PAG1: variants seen among roughly 807,000 people sequenced by gnomAD.
The protein encoded by PAG1 is phosphoprotein membrane anchor with glycosphingolipid microdomains 1.
In PAG1, 23 loss-of-function variants were observed where a neutral mutation model predicts 31.7. That is an observed-to-expected ratio of 0.73 (90% CI 0.52 to 1.03). PAG1 has a LOEUF of 1.03. Ranked by LOEUF, PAG1 falls within the 50% of genes least tolerant of loss-of-function variation. The pLI is 0.00. For synonymous variants in PAG1, 214 were observed against 210.3 expected, an observed-to-expected ratio of 1.02 and a Z score of -0.15; for missense variants, 473 against 540.7, an observed-to-expected ratio of 0.87 and a Z score of 1.24.
At chr8:81,016,696 T>C (rs1222190458) in intron 3 of PAG1, among the ~76,000 whole-genome samples, 1 of 152,186 alleles carries the variant, frequency 6.6e-6, no homozygotes, top group Non-Finnish European at 1.5e-5. Context: ...GTTTCCTTTC[T>C]CCTTGCCCTT....
intron 3 of PAG1, among the ~76,000 whole-genome samples, chr8:81,029,066 T>C (rs535494047): frequency 1.4e-4 from 22 of 152,340 alleles, no homozygotes; most frequent in African/African-American, 5.1e-4. Context: ...TGCATTTCTG[T>C]GTGCGGGTAC....
chr8:81,071,312 G>A (rs1027588593), intron 1 of PAG1, among the ~76,000 whole-genome samples: 6 of 152,138 alleles, frequency 3.9e-5, no homozygotes, highest in Non-Finnish European at 8.8e-5. Flanking sequence ...GGTGAGAGAA[G>A]GTTCCATGCC....
At chr8:81,054,900 G>GA (rs1463543744) in intron 2 of PAG1, among the ~76,000 whole-genome samples, 2 of 151,962 alleles carry the variant, frequency 1.3e-5, no homozygotes, top group Non-Finnish European at 2.9e-5. Context: ...ATGAAGACTG[G>GA]ATGGGAGAAG....
intron 3 of PAG1, among the ~76,000 whole-genome samples, chr8:80,997,801 C>T (rs6980737): frequency 0.026 from 3,908 of 152,268 alleles, 97 homozygotes; most frequent in Non-Finnish European, 0.033. Context: ...TTATTGGCTG[C>T]ATTGATGTAA....
rs1807129934 is a variant in PAG1 at position 80,973,991 on chromosome 8, T to C, written c.*2553A>G. 6.6e-6 allele frequency: 1 copy of C among 152,190 alleles called. No individual in the cohort carries two copies. The highest frequency in any genetic ancestry group is 1.5e-5 in the Non-Finnish European group (1 of 68,036). The allele number at this position is 152,190 out of a possible 1,614,324, so 9.4% of individuals were successfully genotyped here. On this transcript the variant is annotated 3_prime_UTR_variant, in exon 9 of 9. Coordinates refer to ENST00000220597, the MANE Select transcript of PAG1 (RefSeq NM_018440.4). Reference sequence around the variant, plus strand: ...CTTTAAAAGTACACTGAAAATACTTTATATCACAGCTTATTCTAACCACTG... The same window carrying C: ...CTTTAAAAGTACACTGAAAATACTTCATATCACAGCTTATTCTAACCACTG...
In PAG1 at chr8:81,112,047, TCGCCGCCGCG is replaced by T. The variant is rs1474844366; in HGVS notation, c.-700_-691del. ...AGCGGGAGGGTACCGCAGCCAGCAC[TCGCCGCCGCG>T]CCGCGGAGAATGACAGGCGCCGAGG... On this transcript the variant is annotated 5_prime_UTR_variant, in exon 1 of 9. Transcript: ENST00000220597. 6 of 151,702 alleles carry T rather than the reference TCGCCGCCGCG, an allele frequency of 4.0e-5. No homozygotes were observed. Among genetic ancestry groups the T allele is most frequent in the Non-Finnish European group, 8.8e-5 (6 of 67,924 alleles). 9.4% of individuals were successfully genotyped at this position (151,702 alleles called of 1,614,324 possible).
intron 3 of PAG1, among the ~76,000 whole-genome samples, chr8:81,028,736 T>C (rs752786353): frequency 1.3e-5 from 2 of 152,250 alleles, no homozygotes; most frequent in Non-Finnish European, 2.9e-5. Context: ...ACTGCTCTGC[T>C]ATTTTCCCAT....
intron 3 of PAG1, among the ~76,000 whole-genome samples, chr8:81,016,505 C>T (rs1242903987): frequency 2.0e-5 from 3 of 152,140 alleles, no homozygotes; most frequent in South Asian, 2.1e-4. Context: ...TTTTGTTTTT[C>T]ACTAATGAAA....
At chr8:81,023,107 A>G (rs1457886469) in intron 3 of PAG1, among the ~76,000 whole-genome samples, 1 of 152,172 alleles carries the variant, frequency 6.6e-6, no homozygotes, top group African/African-American at 2.4e-5. Flanking sequence ...GCACATAAGA[A>G]GTGCCTTAAG....
chr8:81,028,445 G>A (rs539463675), intron 3 of PAG1, among the ~76,000 whole-genome samples: 1 of 152,318 alleles, frequency 6.6e-6, no homozygotes, highest in East Asian at 1.9e-4. Context: ...TGTGAATGCT[G>A]ACGTACAAAG....
chr8:80,980,733 G>A (rs888970585), intron 7 of PAG1, among the ~76,000 whole-genome samples: 3 of 152,112 alleles, frequency 2.0e-5, no homozygotes, highest in African/African-American at 7.2e-5. Flanking sequence ...GCATCTGTAG[G>A]TACAAAGAAG....
intron 1 of PAG1, among the ~76,000 whole-genome samples, chr8:81,073,661 A>G (rs1242243971): frequency 6.6e-6 from 1 of 152,182 alleles, no homozygotes; most frequent in African/African-American, 2.4e-5. Context: ...GAGAATGTCC[A>G]TATGTCAGCC....
chr8:81,049,116 C>T (rs925642743), intron 2 of PAG1, among the ~76,000 whole-genome samples: 4 of 152,142 alleles, frequency 2.6e-5, no homozygotes, highest in Non-Finnish European at 5.9e-5. Flanking sequence ...AACCTAATTA[C>T]ACATTGAGCA....
intron 3 of PAG1, among the ~76,000 whole-genome samples, chr8:80,998,431 A>C (rs562051156): frequency 1.6e-3 from 244 of 152,198 alleles, no homozygotes; most frequent in African/African-American, 5.4e-3. Context: ...ACCGGCCAGC[A>C]GGTGTCACTT....
intron 3 of PAG1, among the ~76,000 whole-genome samples, chr8:81,021,710 G>A (rs549811794): frequency 6.6e-6 from 1 of 152,084 alleles, no homozygotes; most frequent in South Asian, 2.1e-4. Context: ...TTTCAATTAT[G>A]AGGAAAACAT....
intron 2 of PAG1, among the ~76,000 whole-genome samples, chr8:81,046,860 G>A (rs1342282783): frequency 3.3e-5 from 5 of 151,776 alleles, no homozygotes; most frequent in African/African-American, 9.7e-5. Flanking sequence ...CCAACCCTCC[G>A]GCAGGTCCCA....
chr8:81,107,538 G>C (rs1478886813), intron 1 of PAG1, among the ~76,000 whole-genome samples: 1 of 152,134 alleles, frequency 6.6e-6, no homozygotes, highest in African/African-American at 2.4e-5. Flanking sequence ...CAAGTGCCCT[G>C]ACTTTTCTAG....
chr8:81,065,018 T>C (rs913553743), intron 2 of PAG1, among the ~76,000 whole-genome samples: 1 of 152,158 alleles, frequency 6.6e-6, no homozygotes, highest in Non-Finnish European at 1.5e-5. Context: ...CCTTTAAGGC[T>C]TCTCCCAAAC....
intron 3 of PAG1, among the ~76,000 whole-genome samples, chr8:81,016,228 G>A (rs899107936): frequency 5.9e-5 from 9 of 152,184 alleles, no homozygotes; most frequent in South Asian, 2.1e-4. Flanking sequence ...TTTTTAAGCC[G>A]TTAAGTCATG....
Sources: gnomAD v4.1 joint callset for allele counts (sites outside exome capture counted in the v4.1 genomes callset) on GRCh38, gnomAD v4.1.1 for gene constraint, MANE v1.5 for transcripts, NCBI Gene and HGNC (gene_info 2026-07-23, HGNC 2026-07-21) for gene names.